Variants in ENTPD5 observed in about 807,000 individuals in gnomAD.
ENTPD5 encodes the protein nucleoside diphosphate phosphatase ENTPD5.
ENTPD5 carries 49 observed loss-of-function variants against 60.2 expected under a neutral mutation model. The observed-to-expected ratio is 0.81, with a 90% CI of 0.65 to 1.03. ENTPD5 has a LOEUF of 1.03. ENTPD5 is among the 50% of genes least tolerant of loss of function. The pLI is 0.00. For synonymous variants in ENTPD5, 187 were observed against 185.4 expected (o/e 1.01, Z -0.07); for missense variants, 480 against 507.6 (o/e 0.95, Z 0.52).
intron 3 of ENTPD5, among the ~76,000 whole-genome samples, chr14:73,998,466 C>T (rs1174482642): frequency 6.6e-6 from 1 of 152,060 alleles, no homozygotes; most frequent in African/African-American, 2.4e-5. Flanking sequence ...CTGTAGTAAC[C>T]GACAGTGACA....
chr14:74,003,252 C>T (rs1170984784), intron 3 of ENTPD5: 2 of 358,504 alleles, frequency 5.6e-6, no homozygotes, highest in Non-Finnish European at 5.4e-6. Flanking sequence ...ATATAAGCTC[C>T]TCAAGAGCAG....
At chr14:73,992,158 G>A (rs897901949) in intron 3 of ENTPD5, among the ~76,000 whole-genome samples, 1 of 152,202 alleles carries the variant, frequency 6.6e-6, no homozygotes. Context: ...GCACCAAACA[G>A]TTTTGGGTCT....
chr14:73,985,140 A>G (rs1271160691), intron 5 of ENTPD5, among the ~76,000 whole-genome samples: 2 of 152,138 alleles, frequency 1.3e-5, no homozygotes, highest in Non-Finnish European at 1.5e-5. Context: ...CTAGTCTATC[A>G]TTGATGGACA....
chr14:74,019,158 G>C (rs141645896), intron 1 of ENTPD5, 92 bp downstream of exon 1: 1 of 153,324 alleles, frequency 6.5e-6, no homozygotes, highest in East Asian at 1.9e-4. Flanking sequence ...AGGACGAAGC[G>C]CTACCGCCTG....
At chr14:73,975,496 C>A (rs777383585) in intron 10 of ENTPD5, among the ~76,000 whole-genome samples, 6 of 148,794 alleles carry the variant, frequency 4.0e-5, no homozygotes, top group Non-Finnish European at 4.5e-5. Flanking sequence ...TCTCCGCCTC[C>A]AGGGTTCAAA....
chr14:73,982,648 C>T (rs1160374787), intron 6 of ENTPD5, among the ~76,000 whole-genome samples: 6 of 151,712 alleles, frequency 4.0e-5, no homozygotes, highest in African/African-American at 1.2e-4. Flanking sequence ...CCCAGCTACT[C>T]CGGAGGCTGA....
chr14:73,974,282 T>C (rs571699295), intron 11 of ENTPD5, among the ~76,000 whole-genome samples: 2 of 152,280 alleles, frequency 1.3e-5, no homozygotes, highest in Non-Finnish European at 2.9e-5. Flanking sequence ...ACAGCAACTT[T>C]CCACCTTTAT....
At chr14:74,008,393 CTTT>C (rs986672970) in intron 3 of ENTPD5, among the ~76,000 whole-genome samples, 1 of 143,300 alleles carries the variant, frequency 7.0e-6, no homozygotes. Context: ...TTTCTTTTTT[CTTT>C]TTTTTTTTTT....
chr14:74,015,466 C>A (rs1951027188), intron 2 of ENTPD5, among the ~76,000 whole-genome samples: 1 of 149,582 alleles, frequency 6.7e-6, no homozygotes, highest in Admixed American at 6.8e-5. Context: ...ATCCTCTGAA[C>A]TCAGCCTCCT....
intron 5 of ENTPD5, among the ~76,000 whole-genome samples, chr14:73,983,910 C>T (rs143842394): frequency 0.015 from 2,227 of 151,998 alleles, 52 homozygotes; most frequent in African/African-American, 0.05. Flanking sequence ...AGGCTGGTCT[C>T]GAATACCTGA....
At chr14:73,970,913 G>A (rs1210622496) in intron 14 of ENTPD5, among the ~76,000 whole-genome samples, 3 of 151,260 alleles carry the variant, frequency 2.0e-5, no homozygotes, top group Non-Finnish European at 4.4e-5. Flanking sequence ...GCAGCCTCAA[G>A]CTCCTGGGTT....
downstream of ENTPD5, chr14:73,961,914 G>A (rs1396814099): frequency 1.9e-6 from 3 of 1,613,932 alleles, no homozygotes; most frequent in Non-Finnish European, 2.5e-6. Flanking sequence ...GTAAGAGGTT[G>A]CTCAGAGGAA....
chr14:74,012,832 A>C (rs1363136529), intron 2 of ENTPD5, among the ~76,000 whole-genome samples: 2 of 151,826 alleles, frequency 1.3e-5, no homozygotes, highest in African/African-American at 4.8e-5. Context: ...CCATTTAAAA[A>C]CCCCCAAAAA....
At chr14:74,004,451 T>C (rs1269545556) in intron 3 of ENTPD5, among the ~76,000 whole-genome samples, 1 of 152,148 alleles carries the variant, frequency 6.6e-6, no homozygotes, top group Admixed American at 6.5e-5. Flanking sequence ...GTGTGAGCCA[T>C]TGCGCCCGGC....
At chr14:73,992,683 CAAA>C (rs199594365) in intron 3 of ENTPD5, among the ~76,000 whole-genome samples, 5 of 62,778 alleles carry the variant, frequency 8.0e-5, no homozygotes, top group Admixed American at 3.3e-4. Flanking sequence ...GACTCCGTCT[CAAA>C]AAAAAAAAAA....
intron 8 of ENTPD5, 114 bp from the exon 9 acceptor site, chr14:73,976,526 A>G: frequency 1.3e-6 from 1 of 764,944 alleles, no homozygotes; most frequent in East Asian, 2.6e-5. Flanking sequence ...ACTGCTCCCC[A>G]GCCCCAAGGC....
chr14:73,976,486 C>A, intron 8 of ENTPD5, 74 bp from the exon 9 acceptor site: 1 of 1,195,106 alleles, frequency 8.4e-7, no homozygotes, highest in Admixed American at 1.8e-5. Context: ...TTGCTCTTAT[C>A]ATACACTGAA....
chr14:73,955,853 T>A (rs1566684955), downstream of ENTPD5: 11 of 1,614,126 alleles, frequency 6.8e-6, no homozygotes, highest in Non-Finnish European at 8.5e-6. Flanking sequence ...TAAGGATAAT[T>A]TAGATGACAT....
chr14:73,995,388 C>G (rs2058305690), intron 3 of ENTPD5, among the ~76,000 whole-genome samples: 2 of 151,652 alleles, frequency 1.3e-5, no homozygotes, highest in South Asian at 4.2e-4. Flanking sequence ...TTTATGTGTT[C>G]CTGGTGCTGG....
Sources: gnomAD v4.1 joint callset for allele counts (sites outside exome capture counted in the v4.1 genomes callset) on GRCh38, gnomAD v4.1.1 for gene constraint, MANE v1.5 for transcripts, NCBI Gene and HGNC (gene_info 2026-07-23, HGNC 2026-07-21) for gene names.